The following CNTN1 variants were observed in gnomAD, a reference collection of about 807,000 sequenced individuals.
CNTN1 encodes contactin 1.
CNTN1 carries 38 observed loss-of-function variants against 126.4 expected under a neutral mutation model. The observed-to-expected ratio is 0.30, with a 90% CI of 0.23 to 0.39. The LOEUF is 0.39. CNTN1 is among the 10% of genes least tolerant of loss of function. CNTN1 has a pLI of 1.00. For synonymous variants in CNTN1, 413 were observed against 422.6 expected, an observed-to-expected ratio of 0.98 and a Z score of 0.28; for missense variants, 1,009 against 1,248.4, an observed-to-expected ratio of 0.81 and a Z score of 2.89.
chr12:41,041,648 GTGTA>G (rs1949413332), intron 23 of CNTN1, among the ~76,000 whole-genome samples: 1 of 152,130 alleles, frequency 6.6e-6, no homozygotes, highest in African/African-American at 2.4e-5. Flanking sequence ...TCTTGGGAGG[GTGTA>G]TGTGTCAAGG....
chr12:40,975,056 C>T lies in CNTN1; in HGVS notation c.1805-5853C>T, dbSNP rs182690667. 7.9e-5 allele frequency among the ~76,000 whole-genome samples: 12 copies of T among 151,508 alleles called. No individual in the cohort carries two copies. In the East Asian group the frequency reaches 2.1e-3, roughly 27 times the overall value. Reference sequence around the variant, plus strand: ...CTAAATTTGAAAATAGATGTTTTCTCATTTTGAGCGTGTTATACCAGAAAA... The same window carrying T: ...CTAAATTTGAAAATAGATGTTTTCTTATTTTGAGCGTGTTATACCAGAAAA... On this transcript the variant is annotated intron_variant, in intron 15 of 23. Transcript: ENST00000551295.
intron 1 of CNTN1, among the ~76,000 whole-genome samples, chr12:40,839,508 G>C (rs1942196764): frequency 6.6e-6 from 1 of 152,086 alleles, no homozygotes; most frequent in African/African-American, 2.4e-5. Context: ...TAGATAAAAA[G>C]CCAATCCTAA....
Position 40,922,277 on chromosome 12 carries a change from C to T in CNTN1, c.249C>T (p.Asp83=), listed in dbSNP as rs377364983. Residue 83 remains aspartate, a synonymous_variant, in exon 5 of 24, where the codon GAC becomes GAT. Coordinates refer to ENST00000551295, the MANE Select transcript of CNTN1 (RefSeq NM_001843.4). ...PVYKWRMNNG[D]VDLTSDRYSM... ...ATAGATGGAGAATGAATAATGGGGA[C>T]GTTGATCTCACAAGTGATCGATACA... 1.4e-5 allele frequency: 22 copies of T among 1,613,740 alleles called. No homozygotes were observed. Among genetic ancestry groups the T allele is most frequent in the Non-Finnish European group, 1.6e-5 (19 of 1,179,872 alleles).
intron 15 of CNTN1, 44 bp downstream of exon 15, chr12:40,959,278 G>A (rs749525579): frequency 1.2e-6 from 2 of 1,603,192 alleles, no homozygotes; most frequent in South Asian, 2.2e-5. Flanking sequence ...AAAAGTATTT[G>A]ACTTGCATAA....
At chr12:40,706,102 A>C (rs1321209321) in intron 1 of CNTN1, among the ~76,000 whole-genome samples, 1 of 150,490 alleles carries the variant, frequency 6.6e-6, no homozygotes, top group Non-Finnish European at 1.5e-5. Context: ...TGCTTTATAT[A>C]TATATATATA....
At chr12:40,953,680 A>T (rs1946766427) in intron 14 of CNTN1, among the ~76,000 whole-genome samples, 1 of 152,114 alleles carries the variant, frequency 6.6e-6, no homozygotes, top group Admixed American at 6.6e-5. Context: ...AGTAGTTTAA[A>T]AATCGTAAAA....
intron 15 of CNTN1, among the ~76,000 whole-genome samples, chr12:40,959,516 C>A (rs761449618): frequency 6.6e-6 from 1 of 152,062 alleles, no homozygotes; most frequent in Non-Finnish European, 1.5e-5. Flanking sequence ...ACCAAAAGTT[C>A]TCGTTTCCTG....
At chr12:40,933,600 G>C in intron 8 of CNTN1, 40 bp downstream of exon 8, 2 of 1,523,972 alleles carry the variant, frequency 1.3e-6, no homozygotes, top group Admixed American at 1.7e-5. Context: ...TATAGAAATA[G>C]TACCATTTTA....
chr12:40,898,366 T>C (rs567325390), intron 1 of CNTN1, among the ~76,000 whole-genome samples: 10 of 152,300 alleles, frequency 6.6e-5, no homozygotes, highest in African/African-American at 2.4e-4. Context: ...TCTTCCCTTA[T>C]AGGATTACTT....
intron 1 of CNTN1, among the ~76,000 whole-genome samples, chr12:40,720,770 T>C (rs975436681): frequency 6.6e-6 from 1 of 151,692 alleles, no homozygotes; most frequent in Non-Finnish European, 1.5e-5. Flanking sequence ...CTACTAAAAA[T>C]ACAAAAATAT....
intron 1 of CNTN1, among the ~76,000 whole-genome samples, chr12:40,846,108 G>A (rs1347101257): frequency 6.6e-6 from 1 of 152,062 alleles, no homozygotes. Context: ...TAGAAAAACA[G>A]TAAACTCATA....
At chr12:41,008,729 GC>G (rs1948569672) in intron 17 of CNTN1, among the ~76,000 whole-genome samples, 1 of 152,004 alleles carries the variant, frequency 6.6e-6, no homozygotes, top group South Asian at 2.1e-4. Flanking sequence ...TCTATGACAT[GC>G]TTAAACCTTC....
At chr12:40,994,433 A>T (rs1948164723) in intron 17 of CNTN1, among the ~76,000 whole-genome samples, 1 of 152,138 alleles carries the variant, frequency 6.6e-6, no homozygotes, top group Non-Finnish European at 1.5e-5. Flanking sequence ...ATTTTTCTGC[A>T]ATTTTAGTGA....
intron 20 of CNTN1, among the ~76,000 whole-genome samples, chr12:41,024,412 AG>A (rs1223025436): frequency 3.5e-4 from 53 of 152,222 alleles, no homozygotes; most frequent in Middle Eastern, 3.4e-3. Context: ...AATGCAAAAA[AG>A]CCTTTATTTA....
intron 1 of CNTN1, among the ~76,000 whole-genome samples, chr12:40,869,979 A>G (rs536702202): frequency 4.7e-4 from 71 of 152,222 alleles, no homozygotes; most frequent in African/African-American, 1.6e-3. Context: ...GAAGTGATTG[A>G]ATCATGGGGG....
At chr12:40,770,342 A>G (rs1939288885) in intron 1 of CNTN1, among the ~76,000 whole-genome samples, 1 of 152,142 alleles carries the variant, frequency 6.6e-6, no homozygotes, top group South Asian at 2.1e-4. Context: ...AAATCATTAA[A>G]ATCTCTTTGA....
chr12:41,011,883 A>C (rs2120709278), intron 17 of CNTN1, among the ~76,000 whole-genome samples: 1 of 152,334 alleles, frequency 6.6e-6, no homozygotes, highest in South Asian at 2.1e-4. Context: ...GAGGCAGAAT[A>C]GGTATCTTAA....
intron 15 of CNTN1, among the ~76,000 whole-genome samples, chr12:40,973,186 G>A (rs575691388): frequency 6.6e-6 from 1 of 151,982 alleles, no homozygotes; most frequent in African/African-American, 2.4e-5. Flanking sequence ...AATATCAGAG[G>A]TTAAGAAAAT....
chr12:40,837,047 T>C (rs942030786), intron 1 of CNTN1, among the ~76,000 whole-genome samples: 11 of 152,202 alleles, frequency 7.2e-5, no homozygotes, highest in African/African-American at 2.7e-4. Context: ...ACCCCTATAT[T>C]CATTAGATTG....
Sources: allele counts gnomAD v4.1 joint callset (sites outside exome capture counted in the v4.1 genomes callset), GRCh38; gene constraint gnomAD v4.1.1; transcripts MANE v1.5; gene names NCBI Gene and HGNC (gene_info 2026-07-23, HGNC 2026-07-21).